HIVEP3: variants seen among roughly 807,000 people sequenced by gnomAD.
The protein encoded by HIVEP3 is transcription factor HIVEP3.
HIVEP3 carries 49 observed loss-of-function variants against 152.8 expected under a neutral mutation model. That is an observed-to-expected ratio of 0.32 (90% CI 0.26 to 0.41). The LOEUF is 0.41. HIVEP3 is among the 10% of genes least tolerant of loss of function. The pLI is 1.00. For missense variants in HIVEP3, 2,790 were observed against 3,103.3 expected (o/e 0.90, Z 2.40); for synonymous variants, 1,269 against 1,289.0 (o/e 0.98, Z 0.33).
At chr1:41,548,884 T>C (rs1643865553) in intron 5 of HIVEP3, among the ~76,000 whole-genome samples, 1 of 152,118 alleles carries the variant, frequency 6.6e-6, no homozygotes, top group Admixed American at 6.5e-5. Flanking sequence ...TATTTTATTT[T>C]ATTATACTTT....
At chr1:42,024,749 A>C (rs1645572893) in intron 1 of HIVEP3, among the ~76,000 whole-genome samples, 1 of 152,222 alleles carries the variant, frequency 6.6e-6, no homozygotes, top group Non-Finnish European at 1.5e-5. Flanking sequence ...TTCCTTCTGC[A>C]TAAAGTACAT....
Position 41,771,403 on chromosome 1 carries a change from G to T in HIVEP3, c.-800-70408C>A, listed in dbSNP as rs142388070. Among the ~76,000 whole-genome samples, 9 of 152,162 alleles carry T rather than the reference G, an allele frequency of 5.9e-5. No homozygotes were observed. The East Asian group carries it at 1.7e-3, about 29-fold the overall frequency. ...CTGGAGTAATAATAATAGGAGAAAA[G>T]AAGTTAAACTTTAGCCAAATTAAAG... On this transcript the variant is annotated intron_variant, in intron 1 of 8. Coordinates refer to ENST00000372583, the MANE Select transcript of HIVEP3 (RefSeq NM_024503.5).
intron 5 of HIVEP3, among the ~76,000 whole-genome samples, chr1:41,550,175 C>T (rs1017107667): frequency 1.3e-5 from 2 of 152,160 alleles, no homozygotes; most frequent in Admixed American, 1.3e-4. Context: ...TGTCAAAGAT[C>T]AGATGGTTGT....
intron 1 of HIVEP3, among the ~76,000 whole-genome samples, chr1:42,016,839 C>T (rs1278101066): frequency 6.6e-6 from 1 of 152,034 alleles, no homozygotes; most frequent in Non-Finnish European, 1.5e-5. Context: ...AAAGTATTTC[C>T]AGTTTCGATA....
At chr1:41,592,133 G>A (rs1327556048) in intron 3 of HIVEP3, among the ~76,000 whole-genome samples, 1 of 152,140 alleles carries the variant, frequency 6.6e-6, no homozygotes, top group Non-Finnish European at 1.5e-5. Context: ...TGCCTCCCTG[G>A]CTTGCTTTCT....
At chr1:41,795,363 A>G (rs931510467) in intron 1 of HIVEP3, among the ~76,000 whole-genome samples, 7 of 152,232 alleles carry the variant, frequency 4.6e-5, no homozygotes, top group Non-Finnish European at 7.3e-5. Context: ...GGAATGTCAC[A>G]GAAGTGAAAT....
chr1:41,888,301 C>G (rs1210472002), intron 1 of HIVEP3, among the ~76,000 whole-genome samples: 1 of 149,882 alleles, frequency 6.7e-6, no homozygotes, highest in Non-Finnish European at 1.5e-5. Context: ...ATCTGCCCAC[C>G]TTGGCCTCCC....
intron 1 of HIVEP3, among the ~76,000 whole-genome samples, chr1:41,902,606 A>C (rs908080431): frequency 1.3e-5 from 2 of 152,174 alleles, no homozygotes; most frequent in African/African-American, 4.8e-5. Flanking sequence ...GAAGAAGGCG[A>C]TGGGGCAAAG....
At chr1:41,720,473 T>G (rs1381653212) in intron 1 of HIVEP3, among the ~76,000 whole-genome samples, 1 of 152,216 alleles carries the variant, frequency 6.6e-6, no homozygotes, top group African/African-American at 2.4e-5. Flanking sequence ...TATTCTACCT[T>G]TTCAAAGCCT....
chr1:41,932,230 T>C lies in HIVEP3; in HGVS notation n.120-13706A>G, dbSNP rs1644999687. Reference sequence around the variant, plus strand: ...TTTTTCTTTTCCTTGGTTCTGTAAATATATTTAATTTTAATTTCATTGGTT... The same window carrying C: ...TTTTTCTTTTCCTTGGTTCTGTAAACATATTTAATTTTAATTTCATTGGTT... On this transcript the variant is annotated intron_variant and non_coding_transcript_variant, in intron 1 of 3. Coordinates refer to the HIVEP3 transcript ENST00000489103. Among the ~76,000 whole-genome samples, 6 of 152,038 alleles carry C rather than the reference T, an allele frequency of 3.9e-5. No homozygotes were observed. In the South Asian group the frequency reaches 1.2e-3, roughly 31 times the overall value.
At chr1:41,921,209 G>A (rs1298627809), upstream of HIVEP3, among the ~76,000 whole-genome samples, 1 of 152,162 alleles carries the variant, frequency 6.6e-6, no homozygotes, top group Non-Finnish European at 1.5e-5. Flanking sequence ...AAGTAGATGG[G>A]ACATGGGAGG....
At chr1:41,812,216 TAAC>T (rs776217115) in intron 1 of HIVEP3, among the ~76,000 whole-genome samples, 15 of 152,200 alleles carry the variant, frequency 9.9e-5, no homozygotes, top group Admixed American at 4.6e-4. Context: ...TAAGCAAACT[TAAC>T]AAACACGAGG....
intron 3 of HIVEP3, among the ~76,000 whole-genome samples, chr1:41,602,859 C>T (rs910166521): frequency 1.2e-4 from 18 of 151,948 alleles, no homozygotes; most frequent in Non-Finnish European, 1.9e-4. Flanking sequence ...TTTATCACAA[C>T]GAACTCTCTG....
At chr1:41,862,691 G>A (rs1007418920) in intron 1 of HIVEP3, among the ~76,000 whole-genome samples, 15 of 152,188 alleles carry the variant, frequency 9.9e-5, no homozygotes, top group Non-Finnish European at 7.3e-5. Flanking sequence ...CAACAGGACT[G>A]TGGACCACAG....
chr1:41,701,201 T>G (rs965513485), intron 1 of HIVEP3, among the ~76,000 whole-genome samples: 23 of 152,196 alleles, frequency 1.5e-4, no homozygotes, highest in Non-Finnish European at 1.5e-5. Context: ...AGTACAGAGC[T>G]GCAAGTCACA....
In HIVEP3 at chr1:41,560,767, G is replaced by A. The variant is rs534100637; in HGVS notation, c.5207+14777C>T. ...GAGAGGTGCTTTCTCTCTCATCCAG[G>A]CCTCTGAGGCCAGAGCACCCTCTGG... On this transcript the variant is annotated intron_variant, in intron 5 of 8. Coordinates refer to ENST00000372583, the MANE Select transcript of HIVEP3 (RefSeq NM_024503.5). Among the ~76,000 whole-genome samples, 10 of 152,312 alleles carry A rather than the reference G, an allele frequency of 6.6e-5. No homozygotes were observed. In the South Asian group the frequency reaches 1.2e-3, roughly 19 times the overall value.
At chr1:41,579,109 C>G (rs1046450038) in intron 4 of HIVEP3, among the ~76,000 whole-genome samples, 2 of 152,202 alleles carry the variant, frequency 1.3e-5, no homozygotes, top group Non-Finnish European at 1.5e-5. Flanking sequence ...TTCTTGACCA[C>G]GTAGCACAAA....
At chr1:41,878,041 T>A (rs1644198754) in intron 1 of HIVEP3, among the ~76,000 whole-genome samples, 1 of 152,222 alleles carries the variant, frequency 6.6e-6, no homozygotes, top group Admixed American at 6.5e-5. Flanking sequence ...TATTCCTGCA[T>A]ATGAGATTTA....
chr1:41,756,564 A>G (rs1647317304), intron 1 of HIVEP3, among the ~76,000 whole-genome samples: 1 of 152,242 alleles, frequency 6.6e-6, no homozygotes, highest in Admixed American at 6.5e-5. Context: ...TGTTTATAAC[A>G]GTGGGAACTT....
Sources: allele counts gnomAD v4.1 joint callset (sites outside exome capture counted in the v4.1 genomes callset), GRCh38; gene constraint gnomAD v4.1.1; transcripts MANE v1.5; gene names NCBI Gene and HGNC (gene_info 2026-07-23, HGNC 2026-07-21).